Variants in UBE2J1 observed in about 807,000 individuals in gnomAD.
UBE2J1 encodes the protein ubiquitin conjugating enzyme E2 J1.
Under a neutral mutation model 42.1 loss-of-function variants are expected in UBE2J1, and 17 were observed. The observed-to-expected ratio is 0.40, with a 90% CI of 0.28 to 0.61. The LOEUF (loss-of-function observed/expected upper bound fraction) is 0.61. Ranked by LOEUF, UBE2J1 falls within the 20% of genes least tolerant of loss-of-function variation. The pLI is 0.38. For synonymous variants in UBE2J1, 127 were observed against 137.2 expected (o/e 0.93, Z 0.52); for missense variants, 291 against 389.4 (o/e 0.75, Z 2.13).
rs1768510024 is a variant in UBE2J1 at position 89,352,623 on chromosome 6, CGCG to C, written c.-57_-55del. 6.6e-7 allele frequency: 1 copy of C among 1,514,644 alleles called. No homozygotes were observed. The highest frequency in any genetic ancestry group is 8.8e-7 in the Non-Finnish European group (1 of 1,137,698). 93.8% of individuals were successfully genotyped at this position (1,514,644 alleles called of 1,614,324 possible). On this transcript the variant is annotated 5_prime_UTR_variant, in exon 1 of 8. Transcript: ENST00000435041. ...CCGGGCCGCTGCCACCTCCTCTCCA[CGCG>C]GCCGCTGCCCGGGTCTCAGCGCGGC...
intron 6 of UBE2J1, 88 bp downstream of exon 6, chr6:89,335,214 T>C (rs1342812836): frequency 1.6e-6 from 2 of 1,227,290 alleles, no homozygotes; most frequent in Non-Finnish European, 1.1e-6. Flanking sequence ...CATATTGTAA[T>C]AGAACTGCAT....
intron 1 of UBE2J1, among the ~76,000 whole-genome samples, chr6:89,352,189 G>C (rs2127876578): frequency 6.6e-6 from 1 of 152,360 alleles, no homozygotes; most frequent in Non-Finnish European, 1.5e-5. Flanking sequence ...GGAGGGAATA[G>C]CGACCAGGTA....
intron 1 of UBE2J1, among the ~76,000 whole-genome samples, chr6:89,350,037 AGT>A (rs1768441131): frequency 7.8e-5 from 3 of 38,658 alleles, no homozygotes; most frequent in African/African-American, 3.3e-4. Context: ...CTGCTACTAC[AGT>A]AGCAGATCCA....
chr6:89,332,773 G>A (rs1447408799), intron 7 of UBE2J1, among the ~76,000 whole-genome samples: 2 of 152,110 alleles, frequency 1.3e-5, no homozygotes, highest in East Asian at 3.9e-4. Flanking sequence ...TTTAGAAAGT[G>A]GCTAACATAT....
intron 1 of UBE2J1, among the ~76,000 whole-genome samples, chr6:89,347,473 A>C (rs1160493536): frequency 3.3e-5 from 5 of 152,260 alleles, no homozygotes; most frequent in Non-Finnish European, 5.9e-5. Context: ...GGAGAGAAGA[A>C]AATAAACACT....
At chr6:89,330,038 A>G in intron 7 of UBE2J1, 81 bp from the exon 8 acceptor site, 4 of 1,377,296 alleles carry the variant, frequency 2.9e-6, no homozygotes, top group Non-Finnish European at 4.1e-6. Flanking sequence ...AGAATACACA[A>G]TCTCAGAGGA....
rs373918548 is a variant in UBE2J1, at chr6:89,339,423, C to T, written c.238-880G>A. ...CCAGCCTGGGTGACAGTGTGAGACCCTGTCCCCAAGAAAAGAAAAAAAAAG... is the reference window on the plus strand; with the variant it reads ...CCAGCCTGGGTGACAGTGTGAGACCTTGTCCCCAAGAAAAGAAAAAAAAAG... On this transcript the variant is annotated intron_variant, in intron 3 of 7. Coordinates refer to ENST00000435041, the MANE Select transcript of UBE2J1 (RefSeq NM_016021.3). Among the ~76,000 whole-genome samples the T allele has an allele frequency of 5.2e-3, 517 of 99,052 alleles. 2 individuals are homozygous for T. Among genetic ancestry groups the T allele is most frequent in the Middle Eastern group, 8.9e-3 (2 of 224 alleles). 65.0% of individuals were successfully genotyped at this position (99,052 alleles called of 152,430 possible).
intron 7 of UBE2J1, among the ~76,000 whole-genome samples, chr6:89,332,723 C>T (rs1768033610): frequency 2.0e-5 from 3 of 152,164 alleles, no homozygotes; most frequent in Non-Finnish European, 4.4e-5. Context: ...TAAGTCAGTA[C>T]CTTAATGCAG....
chr6:89,338,834 G>GT (rs1454456398), intron 3 of UBE2J1, among the ~76,000 whole-genome samples: 6 of 151,436 alleles, frequency 4.0e-5, no homozygotes, highest in East Asian at 2.0e-4. Flanking sequence ...CCTGGCTAAT[G>GT]TTTTGTATTT....
At chr6:89,340,547 G>C (rs1768224634) in intron 3 of UBE2J1, among the ~76,000 whole-genome samples, 1 of 152,122 alleles carries the variant, frequency 6.6e-6, no homozygotes, top group African/African-American at 2.4e-5. Context: ...GCTTCTATAT[G>C]TCAGGTACTT....
rs1424876745 is a variant in UBE2J1 at position 89,342,375 on chromosome 6, T to TG, written c.185_186insC (p.Val63SerfsTer19). ...TCATGGGATACTCTGGTGGCAGTAC[T>TG]ATCCGCCCGTGATAAACTCCTCCAT... On this transcript the variant is annotated frameshift_variant, in exon 3 of 8. Coordinates refer to ENST00000435041, the MANE Select transcript of UBE2J1 (RefSeq NM_016021.3). LOFTEE classifies it high-confidence loss of function. 1.2e-6 allele frequency: 2 copies of TG among 1,613,978 alleles called. No individual in the cohort carries two copies. Among genetic ancestry groups the TG allele is most frequent in the East Asian group, 4.5e-5 (2 of 44,860 alleles).
intron 1 of UBE2J1, among the ~76,000 whole-genome samples, chr6:89,347,597 A>T (rs146982521): frequency 6.6e-6 from 1 of 152,356 alleles, no homozygotes; most frequent in South Asian, 2.1e-4. Flanking sequence ...CTAAATAGCT[A>T]ATTAGTTCAT....
chr6:89,335,140 C>T (rs1395648241), intron 6 of UBE2J1, among the ~76,000 whole-genome samples, 162 bp downstream of exon 6: 1 of 152,066 alleles, frequency 6.6e-6, no homozygotes, highest in East Asian at 1.9e-4. Flanking sequence ...ATATATACAC[C>T]TACTATGTAA....
chr6:89,346,386 C>T (rs1768366145), intron 1 of UBE2J1, among the ~76,000 whole-genome samples: 1 of 152,004 alleles, frequency 6.6e-6, no homozygotes, highest in Non-Finnish European at 1.5e-5. Flanking sequence ...GCAGTCAATA[C>T]AAAACAGAAT....
At chr6:89,330,388 C>T (rs999806951) in intron 7 of UBE2J1, among the ~76,000 whole-genome samples, 12 of 152,096 alleles carry the variant, frequency 7.9e-5, no homozygotes, top group South Asian at 4.1e-4. Flanking sequence ...TGGGATCAAG[C>T]GATCCTCCTG....
rs551202104 is a variant in UBE2J1 at position 89,332,868 on chromosome 6, T to C, written c.678+218A>G. 7.2e-5 allele frequency among the ~76,000 whole-genome samples: 11 copies of C among 152,248 alleles called. No homozygotes were observed. The South Asian group carries it at 2.3e-3, about 32-fold the overall frequency. On this transcript the variant is annotated intron_variant, in intron 7 of 7. Coordinates refer to ENST00000435041, the MANE Select transcript of UBE2J1 (RefSeq NM_016021.3). Reference sequence around the variant, plus strand: ...GAATTCTGGAGGGACAAGACAAAAATTATTTAATCCAGCCCCATTTAACAA... The same window carrying C: ...GAATTCTGGAGGGACAAGACAAAAACTATTTAATCCAGCCCCATTTAACAA...
chr6:89,347,168 T>C (rs551215458), intron 1 of UBE2J1, among the ~76,000 whole-genome samples: 1 of 152,328 alleles, frequency 6.6e-6, no homozygotes, highest in South Asian at 2.1e-4. Flanking sequence ...CTGCGGACTA[T>C]CTACTCCCTG....
In UBE2J1 at chr6:89,338,218, CTCT is replaced by C; in HGVS notation, c.412_414del (p.Arg138del). Reference sequence around the variant, plus strand: ...TGCAAAACTTACTTTTTGGCAAGTGCTCTTCTTTCCTCAGGAGTGTAATCTAGA... The same window carrying C: ...TGCAAAACTTACTTTTTGGCAAGTGCTCTTTCCTCAGGAGTGTAATCTAGA... On this transcript the variant is annotated inframe_deletion, in exon 5 of 8. Transcript: ENST00000435041. 1 of 1,611,344 alleles carries C rather than the reference CTCT, an allele frequency of 6.2e-7. No individual in the cohort carries two copies.
chr6:89,338,409 T>C (rs1768152120), intron 4 of UBE2J1, 50 bp downstream of exon 4: 4 of 1,564,502 alleles, frequency 2.6e-6, no homozygotes, highest in Non-Finnish European at 3.5e-6. Context: ...TTCATAACTA[T>C]GAATTGACTG....
Sources: allele counts gnomAD v4.1 joint callset (sites outside exome capture counted in the v4.1 genomes callset), GRCh38; gene constraint gnomAD v4.1.1; transcripts MANE v1.5; gene names NCBI Gene and HGNC (gene_info 2026-07-23, HGNC 2026-07-21).